CADM2: variants seen among roughly 807,000 people sequenced by gnomAD.
CADM2 encodes the protein cell adhesion molecule 2.
Under a neutral mutation model 49.8 loss-of-function variants are expected in CADM2, and 12 were observed. That is an observed-to-expected ratio of 0.24 (90% CI 0.15 to 0.39). The LOEUF (loss-of-function observed/expected upper bound fraction) is 0.39, where lower values mean the gene tolerates loss of function less well. Among genes scored for constraint, CADM2 ranks in the 10% least tolerant of loss-of-function variants. The probability of loss-of-function intolerance (pLI) is 1.00; values close to 1 mark genes in which losing one functional copy is unlikely to be tolerated. For missense variants in CADM2, 378 were observed against 492.3 expected (o/e 0.77, Z 2.20); for synonymous variants, 214 against 175.4 (o/e 1.22, Z -1.74).
intron 6 of CADM2, among the ~76,000 whole-genome samples, chr3:85,922,157 C>A (rs1305537535): frequency 6.6e-6 from 1 of 151,410 alleles, no homozygotes; most frequent in African/African-American, 2.4e-5. Context: ...CTTTCTTATT[C>A]TTTCTCCTTT....
At chr3:86,045,025 C>G (rs1461688500) in intron 8 of CADM2, among the ~76,000 whole-genome samples, 2 of 137,926 alleles carry the variant, frequency 1.5e-5, no homozygotes, top group Non-Finnish European at 3.0e-5. Flanking sequence ...CACATGGACA[C>G]AGGAAGGGGA....
At chr3:85,445,177 C>A (rs2107552056) in intron 1 of CADM2, among the ~76,000 whole-genome samples, 1 of 152,138 alleles carries the variant, frequency 6.6e-6, no homozygotes, top group Non-Finnish European at 1.5e-5. Flanking sequence ...CCTAAGGAAA[C>A]AGAGATAGTA....
intron 8 of CADM2, among the ~76,000 whole-genome samples, chr3:86,039,418 G>A (rs139240826): frequency 3.2e-4 from 48 of 152,240 alleles, no homozygotes; most frequent in Non-Finnish European, 4.3e-4. Flanking sequence ...CTTAGCGAAC[G>A]GCACACCAGG....
chr3:85,995,006 C>T (rs1379435497), intron 8 of CADM2, among the ~76,000 whole-genome samples: 5 of 35,412 alleles, frequency 1.4e-4, no homozygotes, highest in East Asian at 1.3e-3. Flanking sequence ...CACAAATCTT[C>T]GATTTGTTAA....
intron 3 of CADM2, among the ~76,000 whole-genome samples, chr3:85,875,446 A>G (rs1711691855): frequency 6.6e-6 from 1 of 152,176 alleles, no homozygotes. Context: ...GACAAGTGTT[A>G]AGTCTTAGAC....
chr3:85,274,750 C>T (rs959431207), intron 1 of CADM2, among the ~76,000 whole-genome samples: 50 of 151,416 alleles, frequency 3.3e-4, no homozygotes, highest in African/African-American at 1.2e-3. Context: ...TTCTTGTCTT[C>T]GTGGAGTTTC....
At chr3:85,127,033 G>T (rs2039058387) in intron 1 of CADM2, among the ~76,000 whole-genome samples, 1 of 152,048 alleles carries the variant, frequency 6.6e-6, no homozygotes, top group Non-Finnish European at 1.5e-5. Flanking sequence ...GAGAGTCAGA[G>T]AACATTATTT....
At chr3:85,115,996 G>T (rs2038624143) in intron 1 of CADM2, among the ~76,000 whole-genome samples, 1 of 152,158 alleles carries the variant, frequency 6.6e-6, no homozygotes, top group Admixed American at 6.5e-5. Context: ...TTAGCAATAG[G>T]ACTCAAGCAA....
Position 85,527,968 on chromosome 3 carries a change from T to C in CADM2, c.62-198554T>C, listed in dbSNP as rs115996630. ...TGTCAAGTATTATTTAGTAAAAATG[T>C]TTTAACAATTCATTGCTTATATATG... On this transcript the variant is annotated intron_variant, in intron 1 of 9. Transcript: ENST00000383699. 8.2e-3 allele frequency among the ~76,000 whole-genome samples: 1,246 copies of C among 152,340 alleles called. 17 individuals are homozygous for C. Among genetic ancestry groups the C allele is most frequent in the African/African-American group, 0.029 (1,191 of 41,566 alleles).
intron 1 of CADM2, among the ~76,000 whole-genome samples, chr3:85,278,520 C>T (rs2043414111): frequency 2.0e-5 from 3 of 151,538 alleles, no homozygotes; most frequent in African/African-American, 7.2e-5. Flanking sequence ...TGATTTTACA[C>T]GTTCTTTTCT....
chr3:85,044,543 C>T (rs2035573537), intron 1 of CADM2, among the ~76,000 whole-genome samples: 1 of 152,162 alleles, frequency 6.6e-6, no homozygotes, highest in African/African-American at 2.4e-5. Flanking sequence ...ATTGCTTCCT[C>T]TCAGCAATGA....
intron 1 of CADM2, among the ~76,000 whole-genome samples, chr3:85,211,682 C>T (rs1040916312): frequency 2.6e-5 from 4 of 152,052 alleles, no homozygotes; most frequent in South Asian, 2.1e-4. Flanking sequence ...ATTTAAAACT[C>T]GTTTTGCAGC....
intron 1 of CADM2, among the ~76,000 whole-genome samples, chr3:85,636,217 G>T (rs1274032786): frequency 2.0e-5 from 3 of 152,138 alleles, no homozygotes; most frequent in Admixed American, 2.0e-4. Context: ...TGCCCTTGAA[G>T]ACCTTCCAGT....
intron 1 of CADM2, among the ~76,000 whole-genome samples, chr3:85,502,841 T>A (rs1265378743): frequency 6.6e-6 from 1 of 152,156 alleles, no homozygotes; most frequent in Non-Finnish European, 1.5e-5. Flanking sequence ...CAAGAAAACC[T>A]TATCAATTAC....
At chr3:85,901,792 CT>C (rs1716156662) in intron 5 of CADM2, among the ~76,000 whole-genome samples, 1 of 152,162 alleles carries the variant, frequency 6.6e-6, no homozygotes, top group Non-Finnish European at 1.5e-5. Context: ...TAACTCCCGA[CT>C]TTCCCCCAAC....
At chr3:85,291,369 A>T (rs1309895389) in intron 1 of CADM2, among the ~76,000 whole-genome samples, 1 of 151,424 alleles carries the variant, frequency 6.6e-6, no homozygotes, top group Non-Finnish European at 1.5e-5. Context: ...ACTCTGCAGG[A>T]TATTATCCAT....
At chr3:85,395,296 C>CAAAAAAA (rs58315220) in intron 1 of CADM2, among the ~76,000 whole-genome samples, 3 of 75,542 alleles carry the variant, frequency 4.0e-5, no homozygotes, top group South Asian at 4.9e-4. Flanking sequence ...AGACTCCATA[C>CAAAAAAA]AAAAAAAAAA....
At chr3:85,348,257 C>A (rs1477280660) in intron 1 of CADM2, among the ~76,000 whole-genome samples, 1 of 152,096 alleles carries the variant, frequency 6.6e-6, no homozygotes, top group East Asian at 1.9e-4. Flanking sequence ...CTAGGAAAGG[C>A]CATGCTTATG....
At chr3:85,280,445 A>G (rs1021511375) in intron 1 of CADM2, among the ~76,000 whole-genome samples, 1 of 151,482 alleles carries the variant, frequency 6.6e-6, no homozygotes, top group Non-Finnish European at 1.5e-5. Flanking sequence ...TCTCCTGTAC[A>G]TTCAAGTTGT....
Sources: allele counts gnomAD v4.1 joint callset (sites outside exome capture counted in the v4.1 genomes callset), GRCh38; gene constraint gnomAD v4.1.1; transcripts MANE v1.5; gene names NCBI Gene and HGNC (gene_info 2026-07-23, HGNC 2026-07-21).